The following GLRA1 variants were observed in gnomAD, a reference collection of about 807,000 sequenced individuals.
The protein encoded by GLRA1 is glycine receptor subunit alpha-1.
Under a neutral mutation model 48.3 loss-of-function variants are expected in GLRA1, and 37 were observed. That is an observed-to-expected ratio of 0.77 (90% CI 0.59 to 1.01). The LOEUF (loss-of-function observed/expected upper bound fraction) is 1.01, where lower values mean the gene tolerates loss of function less well. GLRA1 is among the 50% of genes least tolerant of loss of function. GLRA1 has a pLI of 0.00. For missense variants in GLRA1, 427 were observed against 571.0 expected, an observed-to-expected ratio of 0.75 and a Z score of 2.57; for synonymous variants, 196 against 210.7, an observed-to-expected ratio of 0.93 and a Z score of 0.60.
At chr5:151,827,171 CT>C (rs59142874) in intron 8 of GLRA1, among the ~76,000 whole-genome samples, 30,206 of 138,704 alleles carry the variant, frequency 0.22, 3,502 homozygotes, top group South Asian at 0.33. Flanking sequence ...CTTAAATAGA[CT>C]TTTTTTTTTT....
intron 3 of GLRA1, among the ~76,000 whole-genome samples, chr5:151,865,825 C>A (rs1753321312): frequency 6.6e-6 from 1 of 152,176 alleles, no homozygotes. Flanking sequence ...CTCCTACTGG[C>A]AGCGCCTGCC....
chr5:151,829,120 C>T, intron 7 of GLRA1, 53 bp from the exon 8 acceptor site: 1 of 1,563,050 alleles, frequency 6.4e-7, no homozygotes. Context: ...GAATGTAAAA[C>T]ATTAAGCATG....
At chr5:151,839,280 G>A (rs4360031) in intron 7 of GLRA1, among the ~76,000 whole-genome samples, 67,790 of 152,066 alleles carry the variant, frequency 0.45, 15,546 homozygotes, top group African/African-American at 0.55. Context: ...ATGCTAGACA[G>A]TAACTCAAAT....
intron 1 of GLRA1, among the ~76,000 whole-genome samples, chr5:151,921,324 T>G (rs1242848402): frequency 1.3e-5 from 2 of 152,246 alleles, no homozygotes; most frequent in African/African-American, 4.8e-5. Flanking sequence ...GAGCAGCTGA[T>G]TAAAAATTTG....
At position 151,855,088 on chromosome 5, in the gene GLRA1, A is replaced by G; in HGVS notation, c.649T>C (p.Leu217=). The change falls in exon 6 of 9, where the codon TTG becomes CTG. Residue 217 remains leucine (L), a synonymous_variant. Coordinates refer to ENST00000274576, the MANE Select transcript of GLRA1 (RefSeq NM_000171.4). The part of the protein sequence containing the change: ...ADGLTLPQFI[L]KEEKDLRYCT... ...TATCTCAAGTCCTTCTCTTCCTTCA[A>G]GATAAACTGGGGCAGAGTTAGTCCA... 6.2e-7 allele frequency: 1 copy of G among 1,614,064 alleles called. No homozygotes were observed. Among genetic ancestry groups the G allele is most frequent in the Non-Finnish European group, 8.5e-7 (1 of 1,179,950 alleles).
chr5:151,896,881 A>G (rs1440665306), intron 1 of GLRA1, among the ~76,000 whole-genome samples: 1 of 152,248 alleles, frequency 6.6e-6, no homozygotes, highest in Non-Finnish European at 1.5e-5. Flanking sequence ...AGAAGAGTTT[A>G]CAATTCTAGT....
At chr5:151,918,157 C>T (rs1397753926) in intron 1 of GLRA1, among the ~76,000 whole-genome samples, 1 of 152,210 alleles carries the variant, frequency 6.6e-6, no homozygotes, top group Non-Finnish European at 1.5e-5. Context: ...CTCATAAGAG[C>T]TTGCATTACA....
At chr5:151,877,134 A>T (rs978288599) in intron 3 of GLRA1, among the ~76,000 whole-genome samples, 3 of 152,236 alleles carry the variant, frequency 2.0e-5, no homozygotes, top group Non-Finnish European at 4.4e-5. Context: ...GTACTTTGTT[A>T]TGGTAGCACA....
intron 3 of GLRA1, among the ~76,000 whole-genome samples, chr5:151,865,164 G>A (rs551023998): frequency 6.6e-6 from 1 of 152,286 alleles, no homozygotes; most frequent in African/African-American, 2.4e-5. Context: ...TAGGCACTGA[G>A]GAATCCACTG....
Position 151,847,587 on chromosome 5 carries a change from C to T in GLRA1, c.912+3803G>A, listed in dbSNP as rs142615970. On this transcript the variant is annotated intron_variant, in intron 7 of 8. Transcript: ENST00000274576. ...TACAAACATTAGCCAGGCATGACGG[C>T]GCGTGCCTGTAGTCCCAGCTACCCG... 9.4e-3 allele frequency among the ~76,000 whole-genome samples: 1,435 copies of T among 152,154 alleles called. 21 individuals are homozygous for T. Among genetic ancestry groups the T allele is most frequent in the African/African-American group, 0.032 (1,340 of 41,506 alleles).
chr5:151,882,701 C>A (rs1001140512), intron 3 of GLRA1, among the ~76,000 whole-genome samples: 2 of 152,008 alleles, frequency 1.3e-5, no homozygotes, highest in African/African-American at 4.8e-5. Flanking sequence ...AAATAGAGAG[C>A]CAGACTAGGC....
In GLRA1 at chr5:151,923,185, A is replaced by G. The variant is rs574879586; in HGVS notation, c.56+1309T>C. Among the ~76,000 whole-genome samples, 270 of 152,348 alleles carry G rather than the reference A, an allele frequency of 1.8e-3. 2 individuals are homozygous for G. The highest frequency in any genetic ancestry group is 6.3e-3 in the African/African-American group (263 of 41,586). On this transcript the variant is annotated intron_variant, in intron 1 of 8. Transcript: ENST00000274576. Reference sequence around the variant, plus strand: ...GAGATTAGAAGCTTTAGCATTGGGTATCTCAGATAAGGGGGGATGCCTTTT... The same window carrying G: ...GAGATTAGAAGCTTTAGCATTGGGTGTCTCAGATAAGGGGGGATGCCTTTT...
intron 8 of GLRA1, among the ~76,000 whole-genome samples, chr5:151,825,605 G>A (rs1384318051): frequency 6.6e-6 from 1 of 152,172 alleles, no homozygotes; most frequent in Non-Finnish European, 1.5e-5. Context: ...GCTGGAGCAG[G>A]GGAAATCTGG....
intron 3 of GLRA1, among the ~76,000 whole-genome samples, chr5:151,870,684 T>G (rs1371369904): frequency 3.3e-5 from 5 of 149,708 alleles, no homozygotes; most frequent in Non-Finnish European, 5.9e-5. Flanking sequence ...GCATACTGCA[T>G]CACTATATTT....
chr5:151,850,213 A>C, intron 7 of GLRA1: 1 of 1,603,964 alleles, frequency 6.2e-7, no homozygotes, highest in Non-Finnish European at 8.5e-7. Flanking sequence ...GAGGCCCATT[A>C]CCAGGCCTGC....
At chr5:151,921,295 C>A (rs746853415) in intron 1 of GLRA1, among the ~76,000 whole-genome samples, 3 of 152,258 alleles carry the variant, frequency 2.0e-5, no homozygotes, top group South Asian at 4.2e-4. Context: ...CTTTCCTCCT[C>A]GTTATAATTA....
intron 7 of GLRA1, among the ~76,000 whole-genome samples, chr5:151,831,221 G>T (rs945374755): frequency 6.6e-6 from 1 of 152,238 alleles, no homozygotes; most frequent in East Asian, 1.9e-4. Flanking sequence ...AAACTGGGCA[G>T]CTGTTTGGAC....
In GLRA1 at chr5:151,888,672, C is replaced by G. The variant is rs183364182; in HGVS notation, c.185-1884G>C. On this transcript the variant is annotated intron_variant, in intron 2 of 8. Coordinates refer to ENST00000274576, the MANE Select transcript of GLRA1 (RefSeq NM_000171.4). ...GGCCCAACCCCACACTAAGTAAAAC[C>G]AAATCTCTGGAGGTTAGCCCAAGAG... Among the ~76,000 whole-genome samples, 4 of 152,246 alleles carry G rather than the reference C, an allele frequency of 2.6e-5. No homozygotes were observed. In the East Asian group the frequency reaches 7.7e-4, roughly 29 times the overall value.
At position 151,822,920 on chromosome 5, in the gene GLRA1, C is replaced by T. The variant is rs1473689057; in HGVS notation, c.1103G>A (p.Gly368Glu). Residue 368 changes from glycine to glutamate, a missense_variant, in exon 9 of 9, where the codon GGG becomes GAG. Physicochemically the swap from Gly to Glu is moderately conservative, Grantham distance 98 (BLOSUM62 -2). Coordinates refer to ENST00000274576, the MANE Select transcript of GLRA1 (RefSeq NM_000171.4). Reference sequence around the variant, plus strand: ...GGCCTGTAGACAGGCTGGGCCCATCCCATAGGCAGAGAAGTTAAAGCGGCC... The same window carrying T: ...GGCCTGTAGACAGGCTGGGCCCATCTCATAGGCAGAGAAGTTAAAGCGGCC... ...GEGRFNFSAY[G>E]MGPACLQAKD... is the part of the protein sequence containing the mutation. The T allele has an allele frequency of 6.2e-7, 1 of 1,612,280 alleles. No individual in the cohort carries two copies. The highest frequency in any genetic ancestry group is 1.7e-5 in the Admixed American group (1 of 59,900).
Sources: allele counts gnomAD v4.1 joint callset (sites outside exome capture counted in the v4.1 genomes callset), GRCh38; gene constraint gnomAD v4.1.1; transcripts MANE v1.5; gene names NCBI Gene and HGNC (gene_info 2026-07-23, HGNC 2026-07-21).